Variants in TTC14 observed in about 807,000 individuals in gnomAD.
The protein encoded by TTC14 is tetratricopeptide repeat protein 14.
Under a neutral mutation model 79.9 loss-of-function variants are expected in TTC14, and 63 were observed. The ratio of observed to expected loss-of-function variants is 0.79; its 90% CI spans 0.64 to 0.97. The LOEUF (loss-of-function observed/expected upper bound fraction) is 0.97. Ranked by LOEUF, TTC14 falls within the 50% of genes least tolerant of loss-of-function variation. The probability of loss-of-function intolerance (pLI) is 0.00; values close to 1 mark genes in which losing one functional copy is unlikely to be tolerated. For missense variants in TTC14, 895 were observed against 894.0 expected (o/e 1.00, Z -0.01); for synonymous variants, 335 against 309.6 (o/e 1.08, Z -0.86).
chr3:180,605,245 G>A, intron 6 of TTC14: 1 of 357,108 alleles, frequency 2.8e-6, no homozygotes, highest in Non-Finnish European at 5.0e-6. Context: ...AATTTTGTGT[G>A]TATGCTAAAG....
chr3:180,606,085 T>G (rs1229888888), intron 7 of TTC14, 168 bp from the exon 8 acceptor site: 3 of 990,100 alleles, frequency 3.0e-6, no homozygotes, highest in Admixed American at 5.8e-5. Context: ...ATATTTGTTG[T>G]GAAAATGTCC....
Position 180,605,010 on chromosome 3 carries a change from A to T in TTC14, c.857+3A>T. The stretch of plus-strand genomic sequence containing the variant: ...TCTTTAATGAGAGGCCTACAAAGGT[A>T]TAGTACATCAGTATTACTCTTAGAT... On this transcript the variant is annotated splice_donor_region_variant and intron_variant, in intron 6 of 11. Transcript: ENST00000296015. 1 of 1,610,104 alleles carries T rather than the reference A, an allele frequency of 6.2e-7. No homozygotes were observed. Among genetic ancestry groups the T allele is most frequent in the Non-Finnish European group, 8.5e-7 (1 of 1,178,536 alleles).
Position 180,610,756 on chromosome 3 carries a change from T to C in TTC14, c.*214T>C, listed in dbSNP as rs1329330157. On this transcript the variant is annotated 3_prime_UTR_variant, in exon 12 of 12. Transcript: ENST00000296015. Reference sequence around the variant, plus strand: ...TTTTTAGACTTTTTATGTATATGTTTATGTACAGTATATTACTCTTGACAG... The same window carrying C: ...TTTTTAGACTTTTTATGTATATGTTCATGTACAGTATATTACTCTTGACAG... 1 of 1,220,922 alleles carries C rather than the reference T, an allele frequency of 8.2e-7. No homozygotes were observed. Among genetic ancestry groups the C allele is most frequent in the African/African-American group, 1.5e-5 (1 of 64,626 alleles). The allele number at this position is 1,220,922 out of a possible 1,614,324, so 75.6% of individuals were successfully genotyped here. A position where few individuals can be genotyped will look rare whatever the true frequency, so the allele number is the denominator to read the frequency against.
downstream of TTC14, among the ~76,000 whole-genome samples, chr3:180,616,006 C>A (rs938637774): frequency 4.0e-5 from 6 of 150,640 alleles, no homozygotes; most frequent in Admixed American, 3.9e-4. Context: ...AAATTTATTT[C>A]TGTTTTATCC....
intron 3 of TTC14, 141 bp from the exon 4 acceptor site, chr3:180,604,083 CT>C (rs1716535495): frequency 2.7e-6 from 2 of 738,426 alleles, no homozygotes; most frequent in Non-Finnish European, 2.3e-6. Context: ...ACGGAAATTA[CT>C]TTTAACTAAA....
Position 180,610,201 on chromosome 3 carries a change from TA to T in TTC14, c.1973del (p.Tyr658LeufsTer9), listed in dbSNP as rs777144049. On this transcript the variant is annotated frameshift_variant, in exon 12 of 12. Transcript: ENST00000296015. LOFTEE classifies it high-confidence loss of function. ...GGATATAGAGGGAAGAAAAGAGCAC[TA>T]TAGAAGGTGGGAACCAGGTTCTGTG... ...EKDIEGRKEH[Y>X]RRWEPGSVRH... 1.8e-5 allele frequency: 29 copies of T among 1,613,950 alleles called. No individual in the cohort carries two copies. The South Asian group carries it at 3.2e-4, about 18-fold the overall frequency.
chr3:180,618,258 A>C (rs1717323003), downstream of TTC14, among the ~76,000 whole-genome samples: 1 of 152,166 alleles, frequency 6.6e-6, no homozygotes, highest in East Asian at 1.9e-4. Flanking sequence ...TTATGGATTA[A>C]ATTTTTTATG....
Position 180,603,343 on chromosome 3 carries a change from T to G in TTC14, c.486+20T>G. The G allele has an allele frequency of 6.2e-7, 1 of 1,603,798 alleles. No homozygotes were observed. Among genetic ancestry groups the G allele is most frequent in the Middle Eastern group, 1.7e-4 (1 of 6,032 alleles). On this transcript the variant is annotated intron_variant, in intron 3 of 11. Transcript: ENST00000296015. Reference sequence around the variant, plus strand: ...ATCACAGTAAGTTATTTTTGTTACTTGGATTGCTTCTGTTTTTGTTAACGC... The same window carrying G: ...ATCACAGTAAGTTATTTTTGTTACTGGGATTGCTTCTGTTTTTGTTAACGC...
At chr3:180,616,172 CAGTG>C (rs1458720043) in intron 12 of TTC14, 3 of 826,446 alleles carry the variant, frequency 3.6e-6, no homozygotes, top group Non-Finnish European at 6.2e-6. Context: ...AGAACACTGG[CAGTG>C]AGTGCATGGG....
At chr3:180,612,101 A>AAAAG (rs1357976020), downstream of TTC14, among the ~76,000 whole-genome samples, 1 of 151,198 alleles carries the variant, frequency 6.6e-6, no homozygotes, top group Non-Finnish European at 1.5e-5. Context: ...ATTCATCTTA[A>AAAAG]AAAGAGTCCT....
In TTC14 at chr3:180,606,354, TG is replaced by T. The variant is rs1560073108; in HGVS notation, c.1033del (p.Val345Ter). ...ATAGACAAACAAAACGTGGAAGCTT[TG>T]GTAGCTCGTGGAGCATTGTAAGTGA... Reference protein sequence around the residue: ...LEIDKQNVEALVARGALYATK... With the variant: ...LEIDKQNVEAXVARGALYATK... On this transcript the variant is annotated frameshift_variant, in exon 8 of 12. Transcript: ENST00000296015. LOFTEE classifies it high-confidence loss of function. The T allele has an allele frequency of 6.2e-7, 1 of 1,614,020 alleles. No homozygotes were observed.
chr3:180,609,149 A>T, intron 11 of TTC14: 3 of 705,280 alleles, frequency 4.3e-6, no homozygotes, highest in Non-Finnish European at 5.3e-6. Context: ...AGATGTGGAG[A>T]CATTTTTGAT....
At chr3:180,603,350 C>T in intron 3 of TTC14, 27 bp downstream of exon 3, 2 of 1,596,572 alleles carry the variant, frequency 1.3e-6, no homozygotes, top group Non-Finnish European at 1.7e-6. Flanking sequence ...ACTTGGATTG[C>T]TTCTGTTTTT....
chr3:180,612,979 A>G (rs1337000558), downstream of TTC14, among the ~76,000 whole-genome samples: 1 of 152,210 alleles, frequency 6.6e-6, no homozygotes, highest in Non-Finnish European at 1.5e-5. Context: ...AAGCGTATGA[A>G]ATAATACTCA....
In TTC14 at chr3:180,603,277, G is replaced by A; in HGVS notation, c.440G>A (p.Cys147Tyr). The change falls in exon 3 of 12, where the codon TGT (cysteine) becomes TAT (tyrosine). Residue 147 changes from cysteine (C) to tyrosine (Y), a missense_variant. Cys to Tyr is a radical substitution (Grantham distance 194). Transcript: ENST00000296015. ...REFGFFMVLI[C>Y]LGSGIMRDIA... ...TTCGGTTTTTTCATGGTGTTGATCT[G>A]TTTAGGAAGTGGTATCATGAGAGAT... 1 of 1,613,808 alleles carries A rather than the reference G, an allele frequency of 6.2e-7. No individual in the cohort carries two copies. Among genetic ancestry groups the A allele is most frequent in the Non-Finnish European group, 8.5e-7 (1 of 1,179,920 alleles).
intron 9 of TTC14, among the ~76,000 whole-genome samples, 154 bp downstream of exon 9, chr3:180,606,757 T>A (rs776695654): frequency 5.3e-5 from 8 of 152,208 alleles, no homozygotes; most frequent in Non-Finnish European, 1.2e-4. Context: ...AGGCAAATAC[T>A]CTTTTCCTAG....
Position 180,602,395 on chromosome 3 carries a change from C to G in TTC14, c.134C>G (p.Pro45Arg). Residue 45 changes from proline to arginine, a missense_variant, in exon 1 of 12, where the codon CCG (proline) becomes CGG (arginine). Transcript: ENST00000296015. ...TCGGCCGCCGAGCCAGCCCGGGGCC[C>G]GCCGCCCCAGCACCCGTTGCAGGGC... is the stretch of plus-strand genomic sequence containing the variant. ...LGSAAEPARGPPPQHPLQGRK... is the reference protein window; with the variant it reads ...LGSAAEPARGRPPQHPLQGRK... 6.2e-7 allele frequency: 1 copy of G among 1,608,662 alleles called. No individual in the cohort carries two copies. Among genetic ancestry groups the G allele is most frequent in the Non-Finnish European group, 8.5e-7 (1 of 1,179,350 alleles).
Position 180,610,913 on chromosome 3 carries a change from A to G in TTC14, c.*371A>G. 1.0e-5 allele frequency: 10 copies of G among 984,510 alleles called. No homozygotes were observed. The highest frequency in any genetic ancestry group is 1.2e-5 in the Non-Finnish European group (10 of 828,890). The allele number at this position is 984,510 out of a possible 1,614,324, so 61.0% of individuals were successfully genotyped here. A position where few individuals can be genotyped will look rare whatever the true frequency, so the allele number is the denominator to read the frequency against. ...AATTTGTGCATTGAACACTTGGATC[A>G]TTTTTATAAAAATTAATTTCATTTT... On this transcript the variant is annotated 3_prime_UTR_variant, in exon 12 of 12. Coordinates refer to ENST00000296015, the MANE Select transcript of TTC14 (RefSeq NM_133462.4).
chr3:180,616,729 C>T lies in TTC14; in HGVS notation c.1775-651C>T, dbSNP rs200709899. The T allele has an allele frequency of 1.1e-4, 172 of 1,571,694 alleles. 1 individual carries two copies. The East Asian group carries it at 2.9e-3, about 27-fold the overall frequency. On this transcript the variant is annotated intron_variant, in intron 12 of 12. Coordinates refer to the TTC14 transcript ENST00000382584. ...AAATAATAGTCAATTATTCTATAAA[C>T]GTGTTTACCAGAATTTAATATTTTT...
Sources: allele counts gnomAD v4.1 joint callset (sites outside exome capture counted in the v4.1 genomes callset), GRCh38; gene constraint gnomAD v4.1.1; transcripts MANE v1.5; gene names NCBI Gene and HGNC (gene_info 2026-07-23, HGNC 2026-07-21).